The following PCDHB4 variants were observed in gnomAD, a reference collection of about 807,000 sequenced individuals.
PCDHB4 encodes protocadherin beta-4.
For missense variants in PCDHB4, 1,063 were observed against 1,007.0 expected (o/e 1.06, Z -0.75); for synonymous variants, 482 against 447.3 (o/e 1.08, Z -0.98).
chr5:141,122,987 G>T lies in PCDHB4; in HGVS notation c.989G>T (p.Gly330Val). 1.2e-6 allele frequency: 2 copies of T among 1,613,918 alleles called. No homozygotes were observed. The highest frequency in any genetic ancestry group is 1.3e-5 in the African/African-American group (1 of 75,006). ...GATGGAGGAGGCCTTTCTGGAAAAG[G>T]CACTGTAGTCATAGAGGTGGTGGAT... is the stretch of plus-strand genomic sequence containing the variant. ...ATDGGGLSGK[G>V]TVVIEVVDVN... Residue 330 changes from glycine to valine, a missense_variant, in exon 1 of 1, where the codon GGC (glycine) becomes GTC (valine). Transcript: ENST00000194152.
chr5:141,124,268 ACT>A lies in PCDHB4; in HGVS notation c.2273_2274del (p.Ser758TrpfsTer4), dbSNP rs1554274765. The A allele has an allele frequency of 2.5e-6, 4 of 1,612,488 alleles. No homozygotes were observed. Among genetic ancestry groups the A allele is most frequent in the South Asian group, 2.2e-5 (2 of 91,010 alleles). On this transcript the variant is annotated frameshift_variant, in exon 1 of 1. Coordinates refer to ENST00000194152, the MANE Select transcript of PCDHB4 (RefSeq NM_018938.4). LOFTEE classifies it low-confidence loss of function (END_TRUNC). ...CAGTACGAGGTGTGTCTGACAGGAG[ACT>A]CTGGGACTGGTGAGTTCAAGTTCCT...
rs781879874 is a variant in PCDHB4 at position 141,123,889 on chromosome 5, G to C, written c.1891G>C (p.Glu631Gln). The change falls in exon 1 of 1, where the codon GAG becomes CAG. Residue 631 changes from glutamate to glutamine, a missense_variant. Transcript: ENST00000194152. The part of the protein sequence containing the change: ...GEVRTARLLS[E>Q]RDAAKHRLVV... ...GGTGCGCACCGCCAGGCTGCTGAGC[G>C]AGCGCGACGCAGCCAAGCACAGGCT... 2.6e-5 allele frequency: 41 copies of C among 1,606,626 alleles called. No homozygotes were observed. The highest frequency in any genetic ancestry group is 4.5e-4 in the Middle Eastern group (2 of 4,464).
chr5:141,124,275 G>T lies in PCDHB4; in HGVS notation c.2277G>T (p.Gly759=), dbSNP rs782300686. 1 of 1,614,190 alleles carries T rather than the reference G, an allele frequency of 6.2e-7. No individual in the cohort carries two copies. The change falls in exon 1 of 1, where the codon GGG becomes GGT. Residue 759 remains glycine, a synonymous_variant. Transcript: ENST00000194152. ...AGGTGTGTCTGACAGGAGACTCTGG[G>T]ACTGGTGAGTTCAAGTTCCTGAAGC... ...QYEVCLTGDS[G]TGEFKFLKPI... is the part of the protein sequence containing the mutation.
rs782084459 is a variant in PCDHB4 at position 141,122,007 on chromosome 5, G to A, written c.9G>A (p.Lys3=). ...GGGACCTGGACTCCAACATGAAGAA[G>A]CTAGGGAGAATTCATCCAAACAGGC... MK[K]LGRIHPNRQV... is the part of the protein sequence containing the mutation. Residue 3 remains lysine, a synonymous_variant, in exon 1 of 1, where the codon AAG becomes AAA. Coordinates refer to ENST00000194152, the MANE Select transcript of PCDHB4 (RefSeq NM_018938.4). The A allele has an allele frequency of 3.1e-6, 5 of 1,591,332 alleles. No homozygotes were observed. Among genetic ancestry groups the A allele is most frequent in the East Asian group, 4.5e-5 (2 of 44,724 alleles).
chr5:141,124,863 C>A lies in PCDHB4; in HGVS notation c.*477C>A, dbSNP rs1554274854. 6.5e-6 allele frequency: 1 copy of A among 152,720 alleles called. No individual in the cohort carries two copies. Among genetic ancestry groups the A allele is most frequent in the East Asian group, 1.9e-4 (1 of 5,198 alleles). The allele number at this position is 152,720 out of a possible 1,614,324, so 9.5% of individuals were successfully genotyped here. A position where few individuals can be genotyped will look rare whatever the true frequency, so the allele number is the denominator to read the frequency against. ...TTCTGGTTGACTATACTAGGCTAAG[C>A]CCTCTTAATAGCCATGAGTGTAAAA... On this transcript the variant is annotated 3_prime_UTR_variant, in exon 1 of 1. Transcript: ENST00000194152.
rs1338361682 is a variant in PCDHB4, at chr5:141,122,938, T to C, written c.940T>C (p.Tyr314His). 5.6e-6 allele frequency: 9 copies of C among 1,611,432 alleles called. No homozygotes were observed. The highest frequency in any genetic ancestry group is 1.7e-4 in the Middle Eastern group (1 of 6,060). ...ATTGGATTTCGAAAAAATTAAATCT[T>C]ACCATGTAGAAATTGAGGCCACAGA... Reference protein sequence around the residue: ...KKLDFEKIKSYHVEIEATDGG... With the variant: ...KKLDFEKIKSHHVEIEATDGG... Residue 314 changes from tyrosine (Y) to histidine (H), a missense_variant, in exon 1 of 1, where the codon TAC becomes CAC. Coordinates refer to ENST00000194152, the MANE Select transcript of PCDHB4 (RefSeq NM_018938.4).
At position 141,123,276 on chromosome 5, in the gene PCDHB4, G is replaced by A. The variant is rs577579440; in HGVS notation, c.1278G>A (p.Gly426=). 6.2e-7 allele frequency: 1 copy of A among 1,614,150 alleles called. No homozygotes were observed. Among genetic ancestry groups the A allele is most frequent in the Non-Finnish European group, 8.5e-7 (1 of 1,180,038 alleles). Residue 426 remains glycine (G), a synonymous_variant, in exon 1 of 1, where the codon GGG becomes GGA. Coordinates refer to ENST00000194152, the MANE Select transcript of PCDHB4 (RefSeq NM_018938.4). ...TCACCATCGCCGTCACTGACTTGGG[G>A]ACACCCAGGCTGAAAACCCAGCAGA... is the stretch of plus-strand genomic sequence containing the variant. The part of the protein sequence containing the change: ...YNITIAVTDL[G]TPRLKTQQNI...
In PCDHB4 at chr5:141,122,659, A is replaced by G. The variant is rs201764896; in HGVS notation, c.661A>G (p.Arg221Gly). Residue 221 changes from arginine (R) to glycine (G), a missense_variant, in exon 1 of 1, where the codon AGG becomes GGG. Arg to Gly is a moderately radical substitution (Grantham distance 125). Coordinates refer to ENST00000194152, the MANE Select transcript of PCDHB4 (RefSeq NM_018938.4). ...GGCGCTGGATGGTGGGTCACCACCT[A>G]GGTCTGGCACGGTCATGGTTCGAAT... The part of the protein sequence containing the change: ...LVALDGGSPP[R>G]SGTVMVRILI... The G allele has an allele frequency of 5.0e-6, 8 of 1,614,218 alleles. No homozygotes were observed. In the East Asian group the frequency reaches 1.8e-4, roughly 36 times the overall value.
rs1752374398 is a variant in PCDHB4 at position 141,124,300 on chromosome 5, C to G, written c.2302C>G (p.Pro768Ala). 1 of 1,614,138 alleles carries G rather than the reference C, an allele frequency of 6.2e-7. No homozygotes were observed. Among genetic ancestry groups the G allele is most frequent in the African/African-American group, 1.3e-5 (1 of 75,046 alleles). Residue 768 changes from proline (P) to alanine (A), a missense_variant, in exon 1 of 1, where the codon CCA (proline) becomes GCA (alanine). Physicochemically the swap from Pro to Ala is conservative, Grantham distance 27. Coordinates refer to ENST00000194152, the MANE Select transcript of PCDHB4 (RefSeq NM_018938.4). ...SGTGEFKFLK[P>A]IFPNLLVQDT... ...GACTGGTGAGTTCAAGTTCCTGAAG[C>G]CAATATTTCCTAATCTCTTGGTTCA...
chr5:141,124,221 C>G lies in PCDHB4; in HGVS notation c.2223C>G (p.Thr741=), dbSNP rs1412948053. ...GGCATCTGGTGGACGTAAGCGGCACCGGGACCCTGTCCCAGAGCTACCAGT... is the reference window on the plus strand; with the variant it reads ...GGCATCTGGTGGACGTAAGCGGCACGGGGACCCTGTCCCAGAGCTACCAGT... ...FPGHLVDVSG[T]GTLSQSYQYE... is the part of the protein sequence containing the mutation. The change falls in exon 1 of 1, where the codon ACC becomes ACG. Residue 741 remains threonine (T), a synonymous_variant. Transcript: ENST00000194152. 4 of 1,614,012 alleles carry G rather than the reference C, an allele frequency of 2.5e-6. No homozygotes were observed. Among genetic ancestry groups the G allele is most frequent in the Non-Finnish European group, 1.7e-6 (2 of 1,180,042 alleles).
chr5:141,122,185 G>A lies in PCDHB4; in HGVS notation c.187G>A (p.Ala63Thr). 6.2e-7 allele frequency: 1 copy of A among 1,614,230 alleles called. No individual in the cohort carries two copies. ...LGIGELASRS[A>T]RVLSDDDKQR... ...AATTGGGGAACTGGCCTCCCGGTCA[G>A]CCCGGGTGCTGTCTGACGATGACAA... The change falls in exon 1 of 1, where the codon GCC (alanine) becomes ACC (threonine). Residue 63 changes from alanine (A) to threonine (T), a missense_variant. Transcript: ENST00000194152.
In PCDHB4 at chr5:141,124,338, G is replaced by A. The variant is rs144682616; in HGVS notation, c.2340G>A (p.Arg780=). The change falls in exon 1 of 1, where the codon AGG becomes AGA. Residue 780 remains arginine, a synonymous_variant. Transcript: ENST00000194152. ...ATCTCTTGGTTCAGGACACCGGGAG[G>A]GAAGTTAAGGAAAACCCCAAGTTCA... ...FPNLLVQDTG[R]EVKENPKFRN... is the part of the protein sequence containing the mutation. 1.3e-4 allele frequency: 213 copies of A among 1,613,304 alleles called. No individual in the cohort carries two copies. Among genetic ancestry groups the A allele is most frequent in the Middle Eastern group, 1.2e-3 (7 of 6,052 alleles).
rs1752379930 is a variant in PCDHB4, at chr5:141,124,555, A to G, written c.*169A>G. On this transcript the variant is annotated 3_prime_UTR_variant, in exon 1 of 1. Coordinates refer to ENST00000194152, the MANE Select transcript of PCDHB4 (RefSeq NM_018938.4). ...TCCCTTTTTTATTGTTATTAATTGC[A>G]CTTAACATTTTTAGTTATACTGGAT... 7.0e-6 allele frequency: 4 copies of G among 572,890 alleles called. No individual in the cohort carries two copies. In the South Asian group the frequency reaches 9.4e-5, roughly 13 times the overall value. The allele number at this position is 572,890 out of a possible 1,614,324, so 35.5% of individuals were successfully genotyped here.
chr5:141,123,209 C>G lies in PCDHB4; in HGVS notation c.1211C>G (p.Thr404Arg), dbSNP rs1206472876. The G allele has an allele frequency of 1.2e-6, 2 of 1,614,182 alleles. No homozygotes were observed. Among genetic ancestry groups the G allele is most frequent in the African/African-American group, 2.7e-5 (2 of 75,040 alleles). ...TTGAAGAATTTTTACACCCTGGTAACAGAGAGACCACTGGACCGAGAGACC... is the reference window on the plus strand; with the variant it reads ...TTGAAGAATTTTTACACCCTGGTAAGAGAGAGACCACTGGACCGAGAGACC... ...PTLKNFYTLVTERPLDRETSA... is the reference protein window; with the variant it reads ...PTLKNFYTLVRERPLDRETSA... Residue 404 changes from threonine to arginine, a missense_variant, in exon 1 of 1, where the codon ACA becomes AGA. Physicochemically the swap from Thr to Arg is moderately conservative, Grantham distance 71 (BLOSUM62 -1). Transcript: ENST00000194152.
chr5:141,123,338 C>G lies in PCDHB4; in HGVS notation c.1340C>G (p.Ala447Gly). ...TVQVSDVNDN[A>G]PAFTQTSYTL... The stretch of plus-strand genomic sequence containing the variant: ...CAGGTCTCCGACGTCAATGACAACG[C>G]CCCCGCCTTCACCCAAACCTCCTAC... Residue 447 changes from alanine (A) to glycine (G), a missense_variant, in exon 1 of 1, where the codon GCC (alanine) becomes GGC (glycine). Ala to Gly is a moderately conservative substitution (Grantham distance 60, BLOSUM62 0). Transcript: ENST00000194152. 1 of 1,614,088 alleles carries G rather than the reference C, an allele frequency of 6.2e-7. No homozygotes were observed. Among genetic ancestry groups the G allele is most frequent in the Non-Finnish European group, 8.5e-7 (1 of 1,180,024 alleles).
chr5:141,123,059 C>A lies in PCDHB4; in HGVS notation c.1061C>A (p.Ser354Tyr), dbSNP rs782291138. ...CTTATCATATCTTCACTCACCAGCT[C>A]CATCCCAGAAAATGCTCCTGAGACG... ...PELIISSLTS[S>Y]IPENAPETVV... is the part of the protein sequence containing the mutation. Residue 354 changes from serine (S) to tyrosine (Y), a missense_variant, in exon 1 of 1, where the codon TCC (serine) becomes TAC (tyrosine). By Grantham distance (144) the Ser-to-Tyr change is moderately radical (BLOSUM62 -2). Transcript: ENST00000194152. 2.6e-5 allele frequency: 42 copies of A among 1,613,744 alleles called. No homozygotes were observed. Among genetic ancestry groups the A allele is most frequent in the Non-Finnish European group, 3.6e-5 (42 of 1,179,846 alleles).
Position 141,122,221 on chromosome 5 carries a change from CA to C in PCDHB4, c.224del (p.Gln75ArgfsTer11), listed in dbSNP as rs782809110. 1 of 1,614,136 alleles carries C rather than the reference CA, an allele frequency of 6.2e-7. No homozygotes were observed. Among genetic ancestry groups the C allele is most frequent in the South Asian group, 1.1e-5 (1 of 91,070 alleles). ...GTCTGACGATGACAAGCAGCGTTTG[CA>C]GCTGGATCGTCAGACTGGAGATTTG... ...VLSDDDKQRL[Q>X]LDRQTGDLLL... On this transcript the variant is annotated frameshift_variant, in exon 1 of 1. Coordinates refer to ENST00000194152, the MANE Select transcript of PCDHB4 (RefSeq NM_018938.4). LOFTEE classifies it low-confidence loss of function (END_TRUNC).
In PCDHB4 at chr5:141,122,744, A is replaced by G. The variant is rs1309482230; in HGVS notation, c.746A>G (p.Gln249Arg). Residue 249 changes from glutamine (Q) to arginine (R), a missense_variant, in exon 1 of 1, where the codon CAG becomes CGG. Transcript: ENST00000194152. ...PEFVHTPYGV[Q>R]VLENSPLDSP... ...TTTGTGCACACTCCATATGGGGTGC[A>G]GGTCCTGGAAAACAGCCCCCTAGAC... 4.3e-6 allele frequency: 7 copies of G among 1,614,052 alleles called. No individual in the cohort carries two copies. The highest frequency in any genetic ancestry group is 5.9e-6 in the Non-Finnish European group (7 of 1,180,022).
At position 141,123,909 on chromosome 5, in the gene PCDHB4, C is replaced by T. The variant is rs375109043; in HGVS notation, c.1911C>T (p.His637=). 12 of 1,606,202 alleles carry T rather than the reference C, an allele frequency of 7.5e-6. No homozygotes were observed. The highest frequency in any genetic ancestry group is 2.7e-5 in the African/African-American group (2 of 74,996). The change falls in exon 1 of 1, where the codon CAC becomes CAT. Residue 637 remains histidine, a synonymous_variant. Transcript: ENST00000194152. ...TGAGCGAGCGCGACGCAGCCAAGCA[C>T]AGGCTCGTGGTGCTTGTCAAGGACA... ...RLLSERDAAK[H]RLVVLVKDNG...
Sources: gnomAD v4.1 joint callset for allele counts on GRCh38, gnomAD v4.1.1 for gene constraint, MANE v1.5 for transcripts, NCBI Gene and HGNC (gene_info 2026-07-23, HGNC 2026-07-21) for gene names.